XIRP2: variants seen among roughly 807,000 people sequenced by gnomAD.
XIRP2 encodes xin actin-binding repeat-containing protein 2.
Under a neutral mutation model 277.0 loss-of-function variants are expected in XIRP2, and 236 were observed. The ratio of observed to expected loss-of-function variants is 0.85; its 90% confidence interval spans 0.77 to 0.95. The LOEUF (loss-of-function observed/expected upper bound fraction) is 0.95, where lower values mean the gene tolerates loss of function less well. XIRP2 is among the 40% of genes least tolerant of loss of function. The pLI is 0.00. For missense variants in XIRP2, 4,640 were observed against 4,157.5 expected, an observed-to-expected ratio of 1.12 and a Z score of -3.19; for synonymous variants, 1,490 against 1,416.5, an observed-to-expected ratio of 1.05 and a Z score of -1.17.
chr2:167,129,104 A>G (rs1691300143), intron 2 of XIRP2, among the ~76,000 whole-genome samples: 2 of 152,158 alleles, frequency 1.3e-5, no homozygotes, highest in African/African-American at 4.8e-5. Flanking sequence ...CAAAGACCAG[A>G]TGGGACAGTA....
intron 2 of XIRP2, among the ~76,000 whole-genome samples, chr2:167,099,680 G>A (rs564756579): frequency 7.9e-5 from 12 of 152,284 alleles, no homozygotes; most frequent in South Asian, 2.1e-4. Flanking sequence ...TGCACAGACC[G>A]TGGGAAAAGC....
At position 167,253,922 on chromosome 2, in the gene XIRP2, C is replaced by A. The variant is rs767215963; in HGVS notation, c.10556-110C>A. On this transcript the variant is annotated intron_variant, in intron 9 of 10. Coordinates refer to ENST00000409195, the MANE Select transcript of XIRP2 (RefSeq NM_152381.6). Reference sequence around the variant, plus strand: ...CATCATAAGGACAGTAGTCTTAGAGCTTTTCTACTTTAACCGCATGGCCAG... The same window carrying A: ...CATCATAAGGACAGTAGTCTTAGAGATTTTCTACTTTAACCGCATGGCCAG... 3.7e-4 allele frequency: 461 copies of A among 1,260,474 alleles called. No homozygotes were observed. The Middle Eastern group carries it at 5.5e-3, about 15-fold the overall frequency. The allele number at this position is 1,260,474 out of a possible 1,614,324, so 78.1% of individuals were successfully genotyped here.
intron 3 of XIRP2, among the ~76,000 whole-genome samples, chr2:167,168,571 C>T (rs576463689): frequency 1.3e-5 from 2 of 152,218 alleles, no homozygotes; most frequent in South Asian, 2.1e-4. Context: ...TGTTTTGCAT[C>T]TCTAGCATTC....
At chr2:167,062,478 T>C (rs780948849) in intron 2 of XIRP2, among the ~76,000 whole-genome samples, 51 of 152,196 alleles carry the variant, frequency 3.4e-4, no homozygotes, top group South Asian at 1.0e-3. Flanking sequence ...TACTACAGTA[T>C]TCCTGTTACT....
At chr2:166,914,823 C>CT (rs763697373) in intron 2 of XIRP2, among the ~76,000 whole-genome samples, 65 of 152,136 alleles carry the variant, frequency 4.3e-4, no homozygotes, top group Middle Eastern at 3.4e-3. Flanking sequence ...AAAGTCAGGT[C>CT]TTTGATTTTT....
At chr2:167,257,334 G>A (rs1695684209) in intron 10 of XIRP2, among the ~76,000 whole-genome samples, 1 of 151,964 alleles carries the variant, frequency 6.6e-6, no homozygotes, top group East Asian at 1.9e-4. Context: ...TTTATGTGTA[G>A]ATTCATAGAT....
chr2:167,018,464 A>G (rs1206476899), intron 2 of XIRP2, among the ~76,000 whole-genome samples: 1 of 152,070 alleles, frequency 6.6e-6, no homozygotes, highest in Non-Finnish European at 1.5e-5. Flanking sequence ...AGAGAGACAC[A>G]CTATTTAGTC....
chr2:167,048,703 G>A (rs1167398644), intron 2 of XIRP2, among the ~76,000 whole-genome samples: 1 of 151,708 alleles, frequency 6.6e-6, no homozygotes, highest in Non-Finnish European at 1.5e-5. Context: ...TTTCTTGGTG[G>A]ATCCTGAAAT....
chr2:167,025,074 C>T (rs950628046), intron 2 of XIRP2, among the ~76,000 whole-genome samples: 1 of 151,982 alleles, frequency 6.6e-6, no homozygotes, highest in South Asian at 2.1e-4. Flanking sequence ...GCTGTGAATC[C>T]ATCTGGTCCT....
At chr2:166,953,562 T>C (rs1686090627) in intron 2 of XIRP2, among the ~76,000 whole-genome samples, 1 of 151,868 alleles carries the variant, frequency 6.6e-6, no homozygotes, top group Admixed American at 6.6e-5. Context: ...AATCTAGAAG[T>C]CTGAATTTTT....
At chr2:166,949,851 T>C (rs1685981113) in intron 2 of XIRP2, among the ~76,000 whole-genome samples, 1 of 152,120 alleles carries the variant, frequency 6.6e-6, no homozygotes, top group African/African-American at 2.4e-5. Flanking sequence ...TTTCTATAGA[T>C]TTTTATTGAC....
Position 167,243,608 on chromosome 2 carries a change from A to C in XIRP2, c.2216A>C (p.Gln739Pro). 6.2e-7 allele frequency: 1 copy of C among 1,614,100 alleles called. No individual in the cohort carries two copies. The highest frequency in any genetic ancestry group is 8.5e-7 in the Non-Finnish European group (1 of 1,179,992). The change falls in exon 9 of 11, where the codon CAA becomes CCA. Residue 739 changes from glutamine to proline, a missense_variant. Transcript: ENST00000409195. ...AGAAGTATAAAATGTTTCGAAACTC[A>C]ACCATTATATGTTATTAGAGATGGT... ...VKRSIKCFETQPLYVIRDGSG... is the reference protein window; with the variant it reads ...VKRSIKCFETPPLYVIRDGSG...
rs200127144 is a variant in XIRP2, at chr2:167,144,035, T to A, written c.562+7973T>A. Among the ~76,000 whole-genome samples, 3 of 152,066 alleles carry A rather than the reference T, an allele frequency of 2.0e-5. No individual in the cohort carries two copies. In the East Asian group the frequency reaches 5.8e-4, roughly 29 times the overall value. On this transcript the variant is annotated intron_variant, in intron 3 of 10. Coordinates refer to ENST00000409195, the MANE Select transcript of XIRP2 (RefSeq NM_152381.6). ...ATTTAATATTAGAAATACTTCACTATATGAAATAAAATTTAATTATAAATT... is the reference window on the plus strand; with the variant it reads ...ATTTAATATTAGAAATACTTCACTAAATGAAATAAAATTTAATTATAAATT...
At chr2:167,242,148 A>T (rs995510554) in intron 8 of XIRP2, among the ~76,000 whole-genome samples, 1 of 152,160 alleles carries the variant, frequency 6.6e-6, no homozygotes, top group Non-Finnish European at 1.5e-5. Context: ...AAGTCTAATA[A>T]TTAACATTAA....
chr2:166,988,784 C>T, intron 2 of XIRP2, among the ~76,000 whole-genome samples: 2 of 36,564 alleles, frequency 5.5e-5, no homozygotes, highest in African/African-American at 1.3e-4. Context: ...CACCACGAGA[C>T]TATATCCCAC....
At chr2:166,932,949 T>C (rs1016424342) in intron 2 of XIRP2, among the ~76,000 whole-genome samples, 3 of 152,190 alleles carry the variant, frequency 2.0e-5, no homozygotes, top group Non-Finnish European at 4.4e-5. Flanking sequence ...TATTGTAGCT[T>C]TGTAATAAAT....
intron 2 of XIRP2, among the ~76,000 whole-genome samples, chr2:166,931,677 G>A (rs1429857962): frequency 6.6e-6 from 1 of 152,066 alleles, no homozygotes; most frequent in Non-Finnish European, 1.5e-5. Context: ...TTGTGGGTGT[G>A]TATTTGAGTT....
chr2:166,912,440 C>A (rs1316700064), intron 2 of XIRP2, among the ~76,000 whole-genome samples: 1 of 152,184 alleles, frequency 6.6e-6, no homozygotes, highest in Admixed American at 6.5e-5. Context: ...AGTTCTCGTG[C>A]CATGTTTTTC....
At chr2:167,208,274 C>T (rs1369210919) in intron 3 of XIRP2, among the ~76,000 whole-genome samples, 1 of 152,120 alleles carries the variant, frequency 6.6e-6, no homozygotes, top group East Asian at 1.9e-4. Flanking sequence ...TGTTCCTTTC[C>T]TGTCTGACTT....
Sources: allele counts gnomAD v4.1 joint callset (sites outside exome capture counted in the v4.1 genomes callset), GRCh38; gene constraint gnomAD v4.1.1; transcripts MANE v1.5; gene names NCBI Gene and HGNC (gene_info 2026-07-23, HGNC 2026-07-21).